PALD1: variants seen among roughly 807,000 people sequenced by gnomAD.
PALD1 encodes paladin.
PALD1 carries 57 observed loss-of-function variants against 96.0 expected under a neutral mutation model. That is an observed-to-expected ratio of 0.59 (90% confidence interval 0.48 to 0.74). PALD1 has a LOEUF of 0.74. PALD1 is among the 30% of genes least tolerant of loss of function. The pLI, the probability that PALD1 is intolerant of heterozygous loss-of-function variation, is 0.00. For missense variants in PALD1, 1,063 were observed against 1,143.7 expected (o/e 0.93, Z 1.02); for synonymous variants, 464 against 473.6 (o/e 0.98, Z 0.26).
chr10:70,495,478 C>T (rs994700345), intron 1 of PALD1, among the ~76,000 whole-genome samples: 1 of 152,142 alleles, frequency 6.6e-6, no homozygotes, highest in Non-Finnish European at 1.5e-5. Context: ...CACCATTAAG[C>T]AGACAGGGTT....
intron 10 of PALD1, among the ~76,000 whole-genome samples, chr10:70,536,823 T>G (rs529090612): frequency 6.6e-6 from 1 of 152,206 alleles, no homozygotes; most frequent in Non-Finnish European, 1.5e-5. Context: ...TGAATCTCAC[T>G]TGAATCTCAC....
At chr10:70,473,901 C>T (rs1049516481), upstream of PALD1, among the ~76,000 whole-genome samples, 4 of 112,780 alleles carry the variant, frequency 3.5e-5, no homozygotes, top group Admixed American at 3.5e-4. Context: ...ACCCCCCCCC[C>T]CTCAGCCTCC....
At chr10:70,501,615 G>T (rs948945709) in intron 1 of PALD1, among the ~76,000 whole-genome samples, 1 of 152,196 alleles carries the variant, frequency 6.6e-6, no homozygotes, top group East Asian at 1.9e-4. Context: ...CAGAACCATG[G>T]TTGCTGGTGT....
intron 19 of PALD1, among the ~76,000 whole-genome samples, chr10:70,566,052 A>C (rs918446867): frequency 6.6e-6 from 1 of 152,128 alleles, no homozygotes; most frequent in Non-Finnish European, 1.5e-5. Flanking sequence ...CTTTGTTCTA[A>C]GTGGAGGCTG....
chr10:70,547,452 C>G lies in PALD1; in HGVS notation c.2262+6C>G. On this transcript the variant is annotated splice_donor_region_variant and intron_variant, in intron 18 of 19. Coordinates refer to ENST00000263563, the MANE Select transcript of PALD1 (RefSeq NM_014431.3). ...TCATCTGCACCTACCGCCAGGTGAGCCCCCACCCCACCCCACCCCACCCTG... is the reference window on the plus strand; with the variant it reads ...TCATCTGCACCTACCGCCAGGTGAGGCCCCACCCCACCCCACCCCACCCTG... 1 of 1,561,806 alleles carries G rather than the reference C, an allele frequency of 6.4e-7. No homozygotes were observed. Among genetic ancestry groups the G allele is most frequent in the East Asian group, 2.3e-5 (1 of 43,818 alleles).
chr10:70,550,047 G>C (rs1462504633), intron 18 of PALD1, among the ~76,000 whole-genome samples: 1 of 152,212 alleles, frequency 6.6e-6, no homozygotes, highest in Admixed American at 6.5e-5. Context: ...ATGGCCACCA[G>C]GTGGTGCCAG....
intron 10 of PALD1, 95 bp downstream of exon 10, chr10:70,534,938 T>G: frequency 1.2e-6 from 1 of 841,834 alleles, no homozygotes; most frequent in Non-Finnish European, 2.0e-6. Flanking sequence ...TCAGACTGAC[T>G]TTTTCTGGCT....
At position 70,539,792 on chromosome 10, in the gene PALD1, G is replaced by A. The variant is rs1847203468; in HGVS notation, c.1908+30G>A. The A allele has an allele frequency of 1.3e-6, 2 of 1,579,320 alleles. No individual in the cohort carries two copies. The highest frequency in any genetic ancestry group is 1.7e-6 in the Non-Finnish European group (2 of 1,164,692). On this transcript the variant is annotated intron_variant, in intron 15 of 19. Transcript: ENST00000263563. The surrounding 1 kb of genome is among the most constrained non-coding windows in gnomAD (Gnocchi z 4.5). Reference sequence around the variant, plus strand: ...GGGTGCTGCTCAGGCTGAGGCCTCTGGGGAGGGACAGGAGGCCTCCCTGTC... The same window carrying A: ...GGGTGCTGCTCAGGCTGAGGCCTCTAGGGAGGGACAGGAGGCCTCCCTGTC...
intron 1 of PALD1, among the ~76,000 whole-genome samples, chr10:70,500,788 G>A (rs138361618): frequency 8.7e-4 from 133 of 152,346 alleles, no homozygotes; most frequent in African/African-American, 3.2e-3. Context: ...GCTCTGGTCC[G>A]TGTGGAGTTG....
intron 18 of PALD1, among the ~76,000 whole-genome samples, chr10:70,556,445 A>C (rs1304554526): frequency 6.6e-6 from 1 of 152,094 alleles, no homozygotes; most frequent in Non-Finnish European, 1.5e-5. Flanking sequence ...CCTCCAGAGT[A>C]GGCAGCACTA....
chr10:70,534,868 C>T, intron 10 of PALD1, 25 bp downstream of exon 10: 1 of 1,439,802 alleles, frequency 6.9e-7, no homozygotes, highest in Non-Finnish European at 9.7e-7. Flanking sequence ...GACGTGTGAG[C>T]ACTCTGCTTC....
chr10:70,460,461 G>A, the PALD1 span, among the ~76,000 whole-genome samples: 147 of 152,216 alleles, frequency 9.7e-4, 2 homozygotes, highest in East Asian at 2.3e-3. Context: ...CTTCTCCAGC[G>A]TTCTGTCTGC....
chr10:70,518,003 A>G (rs373206002), intron 1 of PALD1, among the ~76,000 whole-genome samples: 100 of 152,202 alleles, frequency 6.6e-4, no homozygotes, highest in African/African-American at 2.3e-3. Context: ...TCCCAGGTTC[A>G]AGCAATTCTC....
chr10:70,535,143 T>TC (rs1847082999), intron 10 of PALD1, among the ~76,000 whole-genome samples: 1 of 152,216 alleles, frequency 6.6e-6, no homozygotes, highest in Non-Finnish European at 1.5e-5. Flanking sequence ...CCCAGGCCAC[T>TC]CATGGCCTCC....
At chr10:70,494,473 G>A (rs139589672) in intron 1 of PALD1, among the ~76,000 whole-genome samples, 107 of 152,246 alleles carry the variant, frequency 7.0e-4, no homozygotes, top group African/African-American at 2.5e-3. Flanking sequence ...CTGGAACCTG[G>A]TCTCTCCACT....
intron 1 of PALD1, among the ~76,000 whole-genome samples, chr10:70,494,867 T>C (rs774813650): frequency 2.0e-5 from 3 of 152,186 alleles, no homozygotes; most frequent in Admixed American, 6.5e-5. Context: ...AGGCAGGATG[T>C]GGGAAAACTG....
At chr10:70,481,041 G>T (rs948613488) in intron 1 of PALD1, among the ~76,000 whole-genome samples, 1 of 152,224 alleles carries the variant, frequency 6.6e-6, no homozygotes, top group African/African-American at 2.4e-5. Flanking sequence ...CCATTGCTGG[G>T]ATCTGAATCT....
At chr10:70,506,424 G>A (rs1589182749) in intron 1 of PALD1, among the ~76,000 whole-genome samples, 1 of 152,166 alleles carries the variant, frequency 6.6e-6, no homozygotes, top group South Asian at 2.1e-4. Context: ...GAAGGCGCTG[G>A]GCCCTGGGGT....
rs1421863351 is a variant in PALD1, at chr10:70,564,525, G to T, written c.2418+6G>T. 1 of 1,612,884 alleles carries T rather than the reference G, an allele frequency of 6.2e-7. No homozygotes were observed. On this transcript the variant is annotated splice_donor_region_variant and intron_variant, in intron 19 of 19. Coordinates refer to ENST00000263563, the MANE Select transcript of PALD1 (RefSeq NM_014431.3). ...TCAGCACCTGGATGCAGGAGGTGAG[G>T]GGAGGCTGAGGCCGAGAGGGGCCGG...
Sources: gnomAD v4.1 joint callset for allele counts (sites outside exome capture counted in the v4.1 genomes callset) on GRCh38, gnomAD v4.1.1 for gene constraint, Gnocchi (gnomAD v3.1) non-coding constraint, MANE v1.5 for transcripts, NCBI Gene and HGNC (gene_info 2026-07-23, HGNC 2026-07-21) for gene names.